The following TEX10 variants were observed in gnomAD, a reference collection of about 807,000 sequenced individuals.
The protein encoded by TEX10 is testis expressed 10.
Under a neutral mutation model 104.4 loss-of-function variants are expected in TEX10, and 24 were observed. That is an observed-to-expected ratio of 0.23 (90% CI 0.17 to 0.32). The LOEUF is 0.32. TEX10 is among the 10% of genes least tolerant of loss of function. The pLI, the probability that TEX10 is intolerant of heterozygous loss-of-function variation, is 1.00. For synonymous variants in TEX10, 396 were observed against 393.4 expected, an observed-to-expected ratio of 1.01 and a Z score of -0.08; for missense variants, 921 against 1,083.9, an observed-to-expected ratio of 0.85 and a Z score of 2.11.
intron 10 of TEX10, 81 bp from the exon 11 acceptor site, chr9:100,320,479 T>C (rs1302700376): frequency 7.0e-7 from 1 of 1,437,776 alleles, no homozygotes; most frequent in Non-Finnish European, 9.3e-7. Context: ...AGAGATGACA[T>C]ATGCCTTCAA....
chr9:100,308,446 T>G (rs1170975724), intron 13 of TEX10, 54 bp downstream of exon 13: 9 of 1,442,822 alleles, frequency 6.2e-6, no homozygotes, highest in Non-Finnish European at 8.4e-6. Context: ...TATTATTTGG[T>G]TGGGGGAGGA....
intron 5 of TEX10, among the ~76,000 whole-genome samples, chr9:100,330,405 C>T (rs1834827675): frequency 1.3e-5 from 2 of 152,310 alleles, no homozygotes; most frequent in Non-Finnish European, 2.9e-5. Context: ...ATTCATTACT[C>T]AAGGTGCTAT....
At chr9:100,346,016 C>A in intron 4 of TEX10, 56 bp downstream of exon 4, 1 of 1,533,904 alleles carries the variant, frequency 6.5e-7, no homozygotes, top group East Asian at 2.3e-5. Context: ...TCGAATCTTG[C>A]CATTTATGAT....
Position 100,302,152 on chromosome 9 carries a change from G to A in TEX10, c.*39C>T, listed in dbSNP as rs1345107959. The stretch of plus-strand genomic sequence containing the variant: ...GTCTTTTTCTTCAAATAAGATAGAT[G>A]TGAATAAACAACTTCAAACAGGAGG... On this transcript the variant is annotated 3_prime_UTR_variant, in exon 15 of 15. Transcript: ENST00000374902. 4 of 1,223,606 alleles carry A rather than the reference G, an allele frequency of 3.3e-6. No homozygotes were observed. The highest frequency in any genetic ancestry group is 4.6e-6 in the Non-Finnish European group (4 of 871,550). The allele number at this position is 1,223,606 out of a possible 1,614,324, so 75.8% of individuals were successfully genotyped here.
chr9:100,313,276 A>G (rs1035448332), intron 11 of TEX10, among the ~76,000 whole-genome samples: 1 of 152,194 alleles, frequency 6.6e-6, no homozygotes, highest in Non-Finnish European at 1.5e-5. Flanking sequence ...GCACTTTGGG[A>G]GACCAAGGCA....
chr9:100,305,718 G>T (rs1408296966), intron 13 of TEX10: 1 of 152,200 alleles, frequency 6.6e-6, no homozygotes, highest in Admixed American at 6.5e-5. Flanking sequence ...CATAAAAACT[G>T]TATGTGGGAT....
chr9:100,335,836 T>C (rs1449831437), intron 5 of TEX10, among the ~76,000 whole-genome samples: 1 of 152,150 alleles, frequency 6.6e-6, no homozygotes, highest in Non-Finnish European at 1.5e-5. Context: ...GTTAATGTTA[T>C]ATATATTTTA....
intron 11 of TEX10, 129 bp downstream of exon 11, chr9:100,320,136 A>C (rs1834529707): frequency 2.3e-6 from 2 of 880,068 alleles, no homozygotes; most frequent in South Asian, 7.7e-5. Flanking sequence ...TCTCCCATCC[A>C]AGATTATAAG....
intron 2 of TEX10, among the ~76,000 whole-genome samples, chr9:100,348,643 G>A (rs917697837): frequency 1.3e-5 from 2 of 152,194 alleles, no homozygotes; most frequent in Non-Finnish European, 2.9e-5. Context: ...GCCAGGTGCC[G>A]TGGTTCACGC....
chr9:100,323,664 A>G (rs773855849), intron 9 of TEX10, among the ~76,000 whole-genome samples: 3 of 152,234 alleles, frequency 2.0e-5, no homozygotes, highest in Non-Finnish European at 4.4e-5. Context: ...GAAAATAAAC[A>G]TGAATGATTT....
chr9:100,302,937 C>CCG (rs67326474), intron 14 of TEX10, among the ~76,000 whole-genome samples: 1 of 112,954 alleles, frequency 8.9e-6, no homozygotes, highest in East Asian at 2.1e-4. Context: ...CGCCCCCCCC[C>CCG]CAAACTAAAA....
Position 100,340,483 on chromosome 9 carries a change from T to C in TEX10, c.1138-114A>G, listed in dbSNP as rs191614348. ...AAATGTCCCATCATAATTCACTTTC[T>C]ACCAGTAATATAATATGTAAATAAA... is the stretch of plus-strand genomic sequence containing the variant. On this transcript the variant is annotated intron_variant, in intron 4 of 14. Transcript: ENST00000374902. 1.3e-5 allele frequency: 8 copies of C among 608,598 alleles called. No homozygotes were observed. The Middle Eastern group carries it at 1.3e-3, about 101-fold the overall frequency. The allele number at this position is 608,598 out of a possible 1,614,324, so 37.7% of individuals were successfully genotyped here. A position where few individuals can be genotyped will look rare whatever the true frequency, so the allele number is the denominator to read the frequency against.
chr9:100,314,573 T>G lies in TEX10; in HGVS notation c.2203-4194A>C, dbSNP rs569082953. ...TCTTTGTGGTATCAGTTGTTATGTC[T>G]CCTTTTCATTTCTTTTTTTGTCTAT... On this transcript the variant is annotated intron_variant, in intron 11 of 14. Coordinates refer to ENST00000374902, the MANE Select transcript of TEX10 (RefSeq NM_017746.4). 4.6e-5 allele frequency among the ~76,000 whole-genome samples: 7 copies of G among 152,316 alleles called. No individual in the cohort carries two copies. In the South Asian group the frequency reaches 1.4e-3, roughly 32 times the overall value.
intron 10 of TEX10, 80 bp from the exon 11 acceptor site, chr9:100,320,478 A>G: frequency 6.9e-7 from 1 of 1,439,120 alleles, no homozygotes; most frequent in Non-Finnish European, 9.3e-7. Flanking sequence ...CAGAGATGAC[A>G]TATGCCTTCA....
At chr9:100,337,306 G>T (rs918895011) in intron 5 of TEX10, among the ~76,000 whole-genome samples, 5 of 152,160 alleles carry the variant, frequency 3.3e-5, no homozygotes, top group African/African-American at 1.2e-4. Context: ...ATGATGATAT[G>T]CTGATACATT....
At chr9:100,316,910 A>C (rs7853464) in intron 11 of TEX10, among the ~76,000 whole-genome samples, 12 of 145,986 alleles carry the variant, frequency 8.2e-5, no homozygotes, top group South Asian at 2.1e-4. Flanking sequence ...AAAAAAAAAA[A>C]AAAAAACCTA....
At chr9:100,314,151 T>C (rs913161041) in intron 11 of TEX10, among the ~76,000 whole-genome samples, 2 of 150,786 alleles carry the variant, frequency 1.3e-5, no homozygotes, top group Non-Finnish European at 3.0e-5. Flanking sequence ...GCAGTGGCAC[T>C]GTCTAGGCTC....
At chr9:100,344,036 T>C (rs1835240263) in intron 4 of TEX10, among the ~76,000 whole-genome samples, 1 of 152,242 alleles carries the variant, frequency 6.6e-6, no homozygotes, top group East Asian at 1.9e-4. Context: ...TACATTTTTA[T>C]ACTCTGTCTC....
rs138737231 is a variant in TEX10 at position 100,312,764 on chromosome 9, T to G, written c.2203-2385A>C. ...TGAGCTTTCCCTGAGAATTTACAAG[T>G]CACCATACAGACCCTGAGAGATAAA... On this transcript the variant is annotated intron_variant, in intron 11 of 14. Coordinates refer to ENST00000374902, the MANE Select transcript of TEX10 (RefSeq NM_017746.4). 7.9e-5 allele frequency among the ~76,000 whole-genome samples: 12 copies of G among 152,230 alleles called. No homozygotes were observed. In the East Asian group the frequency reaches 2.3e-3, roughly 29 times the overall value.
Sources: gnomAD v4.1 joint callset for allele counts (sites outside exome capture counted in the v4.1 genomes callset) on GRCh38, gnomAD v4.1.1 for gene constraint, MANE v1.5 for transcripts, NCBI Gene and HGNC (gene_info 2026-07-23, HGNC 2026-07-21) for gene names.